The following SAMMSON variants were observed in gnomAD, a reference collection of about 807,000 sequenced individuals.
SAMMSON encodes long intergenic non-protein coding RNA 1212.
chr3:70,082,614 A>G (rs934502215), intron 4 of SAMMSON, among the ~76,000 whole-genome samples: 4 of 152,156 alleles, frequency 2.6e-5, no homozygotes, highest in East Asian at 1.9e-4. Flanking sequence ...AGGGAACACA[A>G]TGTAGTCAGT....
chr3:70,179,785 A>G (rs1701037131), intron 4 of SAMMSON, among the ~76,000 whole-genome samples: 1 of 152,050 alleles, frequency 6.6e-6, no homozygotes, highest in Non-Finnish European at 1.5e-5. Flanking sequence ...AATGGGGTCA[A>G]TGAACTTCTG....
At chr3:70,292,528 T>C (rs1354689562) in intron 7 of SAMMSON, among the ~76,000 whole-genome samples, 1 of 152,144 alleles carries the variant, frequency 6.6e-6, no homozygotes, top group Non-Finnish European at 1.5e-5. Flanking sequence ...ACTCCTTTGG[T>C]TTGAGAGGCA....
chr3:70,326,650 G>A (rs990670215), intron 7 of SAMMSON, among the ~76,000 whole-genome samples: 1 of 152,058 alleles, frequency 6.6e-6, no homozygotes, highest in African/African-American at 2.4e-5. Context: ...ATCCTTCCAT[G>A]TAGGCTTCCT....
chr3:70,008,254 G>A (rs542646761), intron 1 of SAMMSON, among the ~76,000 whole-genome samples: 8 of 152,198 alleles, frequency 5.3e-5, no homozygotes, highest in African/African-American at 9.6e-5. Flanking sequence ...CCACTTTCAC[G>A]ATATTGATTC....
intron 3 of SAMMSON, among the ~76,000 whole-genome samples, chr3:70,045,051 AATT>A (rs1358817697): frequency 1.7e-4 from 20 of 116,100 alleles, no homozygotes; most frequent in Non-Finnish European, 2.6e-4. Flanking sequence ...TAATATATAT[AATT>A]AATTATAATA....
At chr3:70,014,785 T>C (rs1188674933) in intron 3 of SAMMSON, 1 of 152,156 alleles carries the variant, frequency 6.6e-6, no homozygotes, top group Non-Finnish European at 1.5e-5. Context: ...GTGTATGATA[T>C]TGCATGAGTT....
At chr3:70,096,072 G>A (rs778794426) in intron 4 of SAMMSON, 2 of 152,186 alleles carry the variant, frequency 1.3e-5, no homozygotes, top group African/African-American at 2.4e-5. Context: ...CTCATTTGAA[G>A]GTTTTACTGG....
chr3:70,251,981 C>A (rs1044607661), intron 6 of SAMMSON, among the ~76,000 whole-genome samples: 2 of 152,154 alleles, frequency 1.3e-5, no homozygotes, highest in Non-Finnish European at 2.9e-5. Context: ...CTTCAAAACA[C>A]GTGTTAAGGA....
intron 8 of SAMMSON, among the ~76,000 whole-genome samples, chr3:70,357,198 G>T (rs1049433826): frequency 6.6e-6 from 1 of 152,072 alleles, no homozygotes; most frequent in Non-Finnish European, 1.5e-5. Context: ...ACATTGAACT[G>T]CATAGCGAGA....
intron 4 of SAMMSON, among the ~76,000 whole-genome samples, chr3:70,153,589 C>A (rs1430574573): frequency 6.6e-6 from 1 of 151,744 alleles, no homozygotes; most frequent in African/African-American, 2.4e-5. Flanking sequence ...TTTAATAAAC[C>A]GAAAGTAATC....
chr3:70,044,394 C>T (rs2067116422), intron 3 of SAMMSON, among the ~76,000 whole-genome samples: 1 of 151,872 alleles, frequency 6.6e-6, no homozygotes, highest in African/African-American at 2.4e-5. Context: ...AAATAAGTCC[C>T]AAGACACTAT....
chr3:70,290,468 T>C lies in SAMMSON; in HGVS notation n.675-711T>C, dbSNP rs1702224137. Among the ~76,000 whole-genome samples the C allele has an allele frequency of 6.6e-5, 10 of 152,340 alleles. No homozygotes were observed. The South Asian group carries it at 2.1e-3, about 32-fold the overall frequency. On this transcript the variant is annotated intron_variant and non_coding_transcript_variant, in intron 6 of 9. Coordinates refer to ENST00000642114, the Ensembl canonical transcript of SAMMSON. ...AGAACCACTGCTCTCTTCAAAGCTGTCAGACAGGGACATTTAAGTCTGCAG... is the reference window on the plus strand; with the variant it reads ...AGAACCACTGCTCTCTTCAAAGCTGCCAGACAGGGACATTTAAGTCTGCAG...
chr3:70,165,033 A>G (rs2067631626), intron 4 of SAMMSON, among the ~76,000 whole-genome samples: 1 of 152,032 alleles, frequency 6.6e-6, no homozygotes, highest in Non-Finnish European at 1.5e-5. Context: ...TATATAAGAT[A>G]TGTTTTCAAG....
intron 1 of SAMMSON, among the ~76,000 whole-genome samples, chr3:70,005,912 G>A (rs2066924747): frequency 6.6e-6 from 1 of 152,188 alleles, no homozygotes; most frequent in African/African-American, 2.4e-5. Flanking sequence ...TTAATGCAAA[G>A]TATGTAGGCC....
chr3:70,393,808 A>G (rs1701069376), downstream of SAMMSON, among the ~76,000 whole-genome samples: 1 of 152,154 alleles, frequency 6.6e-6, no homozygotes, highest in African/African-American at 2.4e-5. Context: ...GGCGGAGCTC[A>G]GACAGGTGGT....
At chr3:70,363,956 T>C (rs1702898646) in intron 9 of SAMMSON, among the ~76,000 whole-genome samples, 1 of 151,910 alleles carries the variant, frequency 6.6e-6, no homozygotes, top group Admixed American at 6.6e-5. Flanking sequence ...CTTTTTTGTC[T>C]GTTTAGTTGA....
chr3:70,312,919 G>A (rs958842060), intron 7 of SAMMSON, among the ~76,000 whole-genome samples: 3 of 151,952 alleles, frequency 2.0e-5, no homozygotes, highest in African/African-American at 7.3e-5. Context: ...ATTAAAAGAT[G>A]TAGAAAAAAA....
chr3:70,260,428 G>A (rs1193998234), intron 6 of SAMMSON, among the ~76,000 whole-genome samples: 1 of 151,982 alleles, frequency 6.6e-6, no homozygotes, highest in Non-Finnish European at 1.5e-5. Flanking sequence ...CTCATTATGA[G>A]GTAATGGGGG....
intron 7 of SAMMSON, among the ~76,000 whole-genome samples, chr3:70,316,615 C>A (rs1702495908): frequency 6.6e-6 from 1 of 152,078 alleles, no homozygotes; most frequent in South Asian, 2.1e-4. Flanking sequence ...CTTTTTGGAA[C>A]TTTTCGGCCT....
Sources: gnomAD v4.1 joint callset for allele counts (sites outside exome capture counted in the v4.1 genomes callset) on GRCh38, gnomAD v4.1.1 for gene constraint, MANE v1.5 for transcripts, NCBI Gene and HGNC (gene_info 2026-07-23, HGNC 2026-07-21) for gene names.